Variants in GAPVD1 observed in about 807,000 individuals in gnomAD.
GAPVD1 encodes GTPase activating protein and VPS9 domains 1, also known as GTPase-activating protein and VPS9 domain-containing protein 1.
In GAPVD1, 35 loss-of-function variants were observed where a neutral mutation model predicts 155.5. The observed-to-expected ratio is 0.23, with a 90% CI of 0.17 to 0.30. GAPVD1 has a LOEUF of 0.30. GAPVD1 is among the 10% of genes least tolerant of loss of function. GAPVD1 has a pLI of 1.00. For synonymous variants in GAPVD1, 636 were observed against 619.7 expected, an observed-to-expected ratio of 1.03 and a Z score of -0.39; for missense variants, 1,429 against 1,775.7, an observed-to-expected ratio of 0.80 and a Z score of 3.51.
At chr9:125,279,588 T>A (rs1484358380) in intron 2 of GAPVD1, among the ~76,000 whole-genome samples, 19 of 143,356 alleles carry the variant, frequency 1.3e-4, no homozygotes, top group African/African-American at 2.3e-4. Context: ...AAAAAAAAAA[T>A]TAAAAATCAA....
At position 125,354,851 on chromosome 9, in the gene GAPVD1, T is replaced by C; in HGVS notation, c.3757+10T>C. ...AGGGAATTCATTCAAGGTAACTCAA[T>C]ACCTTTAGTTTAAGCATCTCTTCAC... On this transcript the variant is annotated intron_variant, in intron 24 of 27. Transcript: ENST00000297933. 6.3e-7 allele frequency: 1 copy of C among 1,575,754 alleles called. No individual in the cohort carries two copies.
At chr9:125,336,932 C>CA in intron 15 of GAPVD1, 86 bp from the exon 16 acceptor site, 1 of 747,434 alleles carries the variant, frequency 1.3e-6, no homozygotes, top group Non-Finnish European at 2.3e-6. Flanking sequence ...AAGGAACCGT[C>CA]AAAGAATACT....
chr9:125,279,887 A>T (rs910464729), intron 2 of GAPVD1, among the ~76,000 whole-genome samples: 66 of 150,526 alleles, frequency 4.4e-4, no homozygotes, highest in African/African-American at 1.5e-3. Flanking sequence ...CAGCCTCCTG[A>T]GTAGTTGGGA....
chr9:125,295,914 C>T (rs777829043), intron 3 of GAPVD1, among the ~76,000 whole-genome samples: 26 of 151,934 alleles, frequency 1.7e-4, no homozygotes, highest in Non-Finnish European at 1.2e-4. Context: ...TAGGCTCCAG[C>T]GAAACTCAGT....
intron 13 of GAPVD1, among the ~76,000 whole-genome samples, chr9:125,331,723 A>G (rs539694259): frequency 2.0e-5 from 3 of 152,354 alleles, no homozygotes; most frequent in Non-Finnish European, 2.9e-5. Context: ...ATCTGTGCAC[A>G]GTGAACTGGC....
intron 2 of GAPVD1, among the ~76,000 whole-genome samples, chr9:125,293,852 TTATA>T (rs1161661604): frequency 0.015 from 506 of 34,386 alleles, 2 homozygotes; most frequent in East Asian, 0.02. Flanking sequence ...AAAATATATT[TTATA>T]TATATATATA....
rs373992223 is a variant in GAPVD1 at position 125,362,774 on chromosome 9, G to T, written c.*28G>T. The T allele has an allele frequency of 2.5e-6, 4 of 1,606,762 alleles. No homozygotes were observed. Among genetic ancestry groups the T allele is most frequent in the African/African-American group, 1.3e-5 (1 of 74,710 alleles). Reference sequence around the variant, plus strand: ...AAGACCAAGGCCCACCAAGGCAGCAGACTGTTAATCAGACAAACAGATCTC... The same window carrying T: ...AAGACCAAGGCCCACCAAGGCAGCATACTGTTAATCAGACAAACAGATCTC... On this transcript the variant is annotated 3_prime_UTR_variant, in exon 28 of 28. Transcript: ENST00000297933.
intron 12 of GAPVD1, among the ~76,000 whole-genome samples, chr9:125,329,599 T>C (rs1845776532): frequency 6.6e-6 from 1 of 151,802 alleles, no homozygotes; most frequent in African/African-American, 2.4e-5. Flanking sequence ...ATTCTTACTT[T>C]GGCCTCTTTC....
At chr9:125,287,713 T>A (rs1837933756) in intron 2 of GAPVD1, 1 of 152,330 alleles carries the variant, frequency 6.6e-6, no homozygotes, top group South Asian at 2.1e-4. Context: ...ATTCCTACTT[T>A]AAGTCACTTA....
chr9:125,346,415 G>GT (rs367737574), intron 19 of GAPVD1: 20 of 232,294 alleles, frequency 8.6e-5, no homozygotes, highest in South Asian at 2.5e-4. Context: ...AATTTGAATA[G>GT]TTTTTTTTCC....
At chr9:125,355,197 A>C (rs1285285864) in intron 24 of GAPVD1, among the ~76,000 whole-genome samples, 1 of 103,754 alleles carries the variant, frequency 9.6e-6, no homozygotes, top group Non-Finnish European at 1.8e-5. Flanking sequence ...GCTCACTGCA[A>C]CCTCTGTCTC....
At chr9:125,360,064 G>A (rs1397705187) in intron 26 of GAPVD1, among the ~76,000 whole-genome samples, 1 of 152,058 alleles carries the variant, frequency 6.6e-6, no homozygotes, top group African/African-American at 2.4e-5. Flanking sequence ...TGTTATTTCT[G>A]GAATTACTGC....
At chr9:125,277,496 C>T (rs1029665949) in intron 2 of GAPVD1, among the ~76,000 whole-genome samples, 3 of 152,130 alleles carry the variant, frequency 2.0e-5, no homozygotes, top group African/African-American at 7.2e-5. Flanking sequence ...GAAATTGTCA[C>T]TGGAAAGTCA....
Position 125,264,114 on chromosome 9 carries a change from A to C in GAPVD1, c.-199+2155A>C, listed in dbSNP as rs1833435815. The stretch of plus-strand genomic sequence containing the variant: ...TTTAGAAGAACATTTGAATCATTGA[A>C]GGCAGACAGGATGACAGTGTAGACG... On this transcript the variant is annotated intron_variant, in intron 1 of 27. Coordinates refer to ENST00000297933, the MANE Select transcript of GAPVD1 (RefSeq NM_001282680.3). 3.7e-5 allele frequency: 27 copies of C among 732,946 alleles called. No homozygotes were observed. The South Asian group carries it at 3.9e-4, about 11-fold the overall frequency. The allele number at this position is 732,946 out of a possible 1,614,324, so 45.4% of individuals were successfully genotyped here. A position where few individuals can be genotyped will look rare whatever the true frequency, so the allele number is the denominator to read the frequency against.
intron 15 of GAPVD1, among the ~76,000 whole-genome samples, chr9:125,334,797 T>TAA (rs35307761): frequency 1.5e-4 from 23 of 148,716 alleles, no homozygotes; most frequent in East Asian, 2.0e-4. Context: ...GTCCCATCTT[T>TAA]AAAAAAAAAA....
intron 17 of GAPVD1, among the ~76,000 whole-genome samples, chr9:125,338,141 C>G (rs761322441): frequency 6.6e-6 from 1 of 152,184 alleles, no homozygotes; most frequent in Non-Finnish European, 1.5e-5. Context: ...CCCAGAGTTG[C>G]TGGGATTACA....
At chr9:125,264,879 G>C (rs113808281) in intron 1 of GAPVD1, among the ~76,000 whole-genome samples, 1 of 151,596 alleles carries the variant, frequency 6.6e-6, no homozygotes, top group Non-Finnish European at 1.5e-5. Context: ...CACCATGCCT[G>C]GCTAATTTTT....
chr9:125,321,252 C>G (rs947805676), intron 9 of GAPVD1, among the ~76,000 whole-genome samples, 181 bp from the exon 10 acceptor site: 1 of 152,158 alleles, frequency 6.6e-6, no homozygotes, highest in Non-Finnish European at 1.5e-5. Context: ...ATGGCTTCAG[C>G]TGCTTTAATT....
intron 9 of GAPVD1, among the ~76,000 whole-genome samples, chr9:125,317,625 C>CAAAAAAAA (rs1204830778): frequency 1.8e-5 from 1 of 55,978 alleles, no homozygotes; most frequent in Non-Finnish European, 3.9e-5. Context: ...AACTCTGTCT[C>CAAAAAAAA]AAAAAAAAAA....
Sources: gnomAD v4.1 joint callset for allele counts (sites outside exome capture counted in the v4.1 genomes callset) on GRCh38, gnomAD v4.1.1 for gene constraint, MANE v1.5 for transcripts, NCBI Gene and HGNC (gene_info 2026-07-23, HGNC 2026-07-21) for gene names.